Variants in TUNAR observed in about 807,000 individuals in gnomAD.
TUNAR encodes transmembrane neural differentiation associated intracellular calcium regulator, also known as protein TUNAR.
In TUNAR at chr14:95,887,772, AT is replaced by A. The variant is rs1203445342; in HGVS notation, c.12+10596del. 2.6e-5 allele frequency among the ~76,000 whole-genome samples: 4 copies of A among 152,346 alleles called. No homozygotes were observed. In the South Asian group the frequency reaches 6.2e-4, roughly 24 times the overall value. On this transcript the variant is annotated intron_variant, in intron 2 of 2. Coordinates refer to ENST00000678517, the Ensembl canonical transcript of TUNAR. Reference sequence around the variant, plus strand: ...GAGCAAAGCTATAAAAACTATCCTCATGGGTTGGGGACCCGACCAGATGATG... The same window carrying A: ...GAGCAAAGCTATAAAAACTATCCTCAGGGTTGGGGACCCGACCAGATGATG...
At chr14:95,915,006 G>A (rs1889578683) in intron 2 of TUNAR, among the ~76,000 whole-genome samples, 2 of 152,176 alleles carry the variant, frequency 1.3e-5, no homozygotes, top group Admixed American at 1.3e-4. Context: ...CAAGCTAAGC[G>A]AGAATATTTT....
At chr14:95,903,493 G>A (rs561204456) in intron 2 of TUNAR, among the ~76,000 whole-genome samples, 12 of 152,304 alleles carry the variant, frequency 7.9e-5, no homozygotes, top group Admixed American at 5.9e-4. Flanking sequence ...TCACAAATGA[G>A]CATTGTTCTG....
rs1384157760 is a variant in TUNAR, at chr14:95,884,689, T to C, written c.12+7512T>C. Among the ~76,000 whole-genome samples, 3 of 152,328 alleles carry C rather than the reference T, an allele frequency of 2.0e-5. No homozygotes were observed. In the Middle Eastern group the frequency reaches 0.01, roughly 518 times the overall value. The stretch of plus-strand genomic sequence containing the variant: ...ACTGCAACCCTCTTGGGCTGGACTA[T>C]TAACTCAGCCACTTTTGATCCCAGG... On this transcript the variant is annotated intron_variant, in intron 2 of 2. Coordinates refer to ENST00000678517, the Ensembl canonical transcript of TUNAR.
chr14:95,877,466 C>A (rs150009309), intron 2 of TUNAR, among the ~76,000 whole-genome samples: 1 of 152,150 alleles, frequency 6.6e-6, no homozygotes, highest in Non-Finnish European at 1.5e-5. Context: ...TCAGACTTAG[C>A]ATTTGGGGGC....
At chr14:95,879,219 A>G (rs1888938371) in intron 2 of TUNAR, among the ~76,000 whole-genome samples, 1 of 152,214 alleles carries the variant, frequency 6.6e-6, no homozygotes, top group African/African-American at 2.4e-5. Flanking sequence ...TGAACCTCTT[A>G]AAGTGTTGCC....
chr14:95,905,970 C>T (rs1327136482), intron 2 of TUNAR, among the ~76,000 whole-genome samples: 1 of 152,150 alleles, frequency 6.6e-6, no homozygotes, highest in Non-Finnish European at 1.5e-5. Flanking sequence ...TTTTCTTGCT[C>T]AAATTATCCC....
intron 2 of TUNAR, among the ~76,000 whole-genome samples, chr14:95,911,921 G>C (rs762198634): frequency 7.2e-5 from 11 of 152,144 alleles, no homozygotes; most frequent in Admixed American, 2.0e-4. Flanking sequence ...CTATAGAAAG[G>C]CTGTCAGAAC....
At chr14:95,915,832 G>T (rs978894412) in intron 2 of TUNAR, among the ~76,000 whole-genome samples, 2 of 152,232 alleles carry the variant, frequency 1.3e-5, no homozygotes, top group Non-Finnish European at 2.9e-5. Context: ...GGACTGGCTT[G>T]CTGGGAACTG....
chr14:95,906,903 C>T (rs925641583), intron 2 of TUNAR, among the ~76,000 whole-genome samples: 2 of 152,220 alleles, frequency 1.3e-5, no homozygotes, highest in African/African-American at 4.8e-5. Context: ...ATCCCTTTCT[C>T]TTCCACCACC....
At position 95,895,377 on chromosome 14, in the gene TUNAR, C is replaced by A. The variant is rs571457193; in HGVS notation, c.12+18200C>A. On this transcript the variant is annotated intron_variant, in intron 2 of 2. Transcript: ENST00000678517. This position sits in a 1 kb window ranked among gnomAD's most constrained non-coding sequence, Gnocchi z 4.5. ...CCTGTTTTAGCTCCGTAGCCAAAGA[C>A]CTGAGTTCCAGCAAATCACACATGT... is the stretch of plus-strand genomic sequence containing the variant. Among the ~76,000 whole-genome samples, 4 of 152,244 alleles carry A rather than the reference C, an allele frequency of 2.6e-5. No homozygotes were observed. The East Asian group carries it at 5.8e-4, about 22-fold the overall frequency.
Position 95,895,874 on chromosome 14 carries a change from T to C in TUNAR, c.12+18697T>C, listed in dbSNP as rs1458265721. On this transcript the variant is annotated intron_variant, in intron 2 of 2. Transcript: ENST00000678517. The surrounding 1 kb of genome is among the most constrained non-coding windows in gnomAD (Gnocchi z 4.5). ...CTTCCACTGCAGGCTGTTGCTCCGGTGTCTCTGGGCTGCTCCACCACGTGG... is the reference window on the plus strand; with the variant it reads ...CTTCCACTGCAGGCTGTTGCTCCGGCGTCTCTGGGCTGCTCCACCACGTGG... 2 of 152,252 alleles carry C rather than the reference T, an allele frequency of 1.3e-5. No individual in the cohort carries two copies. Among genetic ancestry groups the C allele is most frequent in the Non-Finnish European group, 2.9e-5 (2 of 68,042 alleles). 9.4% of individuals were successfully genotyped at this position (152,252 alleles called of 1,614,324 possible).
At chr14:95,919,317 A>T (rs1889654979) in intron 2 of TUNAR, among the ~76,000 whole-genome samples, 1 of 152,234 alleles carries the variant, frequency 6.6e-6, no homozygotes, top group South Asian at 2.1e-4. Context: ...GTAATAGGAA[A>T]TGCACGTGTG....
At chr14:95,889,003 C>T (rs537071454) in intron 2 of TUNAR, among the ~76,000 whole-genome samples, 6 of 152,306 alleles carry the variant, frequency 3.9e-5, no homozygotes, top group East Asian at 3.9e-4. Flanking sequence ...CCCCGTGAAA[C>T]GGGACCTCTG....
intron 2 of TUNAR, among the ~76,000 whole-genome samples, chr14:95,890,906 C>T (rs146457768): frequency 3.9e-5 from 6 of 152,264 alleles, no homozygotes; most frequent in Non-Finnish European, 5.9e-5. Context: ...CAGAGCTGAA[C>T]GGGTCTGTGG....
At chr14:95,904,677 T>C (rs111451250) in intron 2 of TUNAR, among the ~76,000 whole-genome samples, 1 of 152,300 alleles carries the variant, frequency 6.6e-6, no homozygotes, top group Non-Finnish European at 1.5e-5. Context: ...CCAGGGCCCT[T>C]GAGGCTCAGC....
intron 2 of TUNAR, among the ~76,000 whole-genome samples, chr14:95,890,604 A>G (rs1328794861): frequency 6.6e-6 from 1 of 152,170 alleles, no homozygotes; most frequent in Non-Finnish European, 1.5e-5. Flanking sequence ...TAGCACGTTC[A>G]CTACACCTTT....
At chr14:95,877,814 T>C (rs1888914877) in intron 2 of TUNAR, among the ~76,000 whole-genome samples, 1 of 152,220 alleles carries the variant, frequency 6.6e-6, no homozygotes. Flanking sequence ...GCAAGCACTT[T>C]TTGTCCATCC....
chr14:95,896,621 T>C (rs1398921557), intron 2 of TUNAR, among the ~76,000 whole-genome samples: 1 of 152,214 alleles, frequency 6.6e-6, no homozygotes. Flanking sequence ...AAGCCTCTGC[T>C]CTGTTTGCCT....
intron 2 of TUNAR, among the ~76,000 whole-genome samples, chr14:95,913,108 T>C (rs1889543943): frequency 2.0e-5 from 3 of 151,778 alleles, no homozygotes; most frequent in Non-Finnish European, 4.4e-5. Flanking sequence ...TTTTTTTTTT[T>C]ACCTCATGGT....
Sources: allele counts gnomAD v4.1 joint callset (sites outside exome capture counted in the v4.1 genomes callset), GRCh38; gene constraint gnomAD v4.1.1; non-coding constraint Gnocchi (gnomAD v3.1); transcripts MANE v1.5; gene names NCBI Gene and HGNC (gene_info 2026-07-23, HGNC 2026-07-21).